Variants in ZNF667 observed in about 807,000 individuals in gnomAD.
ZNF667 encodes myocardial ischemic preconditioning upregulated 1 ortholog.
Under a neutral mutation model 31.8 loss-of-function variants are expected in ZNF667, and 13 were observed. That is an observed-to-expected ratio of 0.41 (90% confidence interval 0.27 to 0.65). The LOEUF (loss-of-function observed/expected upper bound fraction) is 0.65. Among genes scored for constraint, ZNF667 ranks in the 30% least tolerant of loss-of-function variants. The pLI, the probability that ZNF667 is intolerant of heterozygous loss-of-function variation, is 0.32. For missense variants in ZNF667, 642 were observed against 725.6 expected (o/e 0.88, Z 1.32); for synonymous variants, 228 against 247.1 (o/e 0.92, Z 0.73).
At chr19:56,471,179 G>GCTCCCACCATGTAAGACACCTC (rs1378936244) in intron 3 of ZNF667, among the ~76,000 whole-genome samples, 64 of 151,752 alleles carry the variant, frequency 4.2e-4, no homozygotes, top group African/African-American at 1.5e-3. Flanking sequence ...TCTTTCTCCT[G>GCTCCCACCATGTAAGACACCTC]CTCCCACCAT....
At position 56,442,062 on chromosome 19, in the gene ZNF667, A is replaced by G. The variant is rs781367083; in HGVS notation, c.933T>C (p.Asn311=). The part of the protein sequence containing the change: ...RIHAGEKIPE[N]AKALSQSLQQ... ...GTAGACTCTGACTTAAGGCCTTCGC[A>G]TTTTCAGGGATTTTCTCTCCAGCAT... is the stretch of plus-strand genomic sequence containing the variant. Residue 311 remains asparagine (N), a synonymous_variant, in exon 7 of 7, where the codon AAT becomes AAC. Coordinates refer to ENST00000504904, the MANE Select transcript of ZNF667 (RefSeq NM_001321356.2). 2 of 1,614,120 alleles carry G rather than the reference A, an allele frequency of 1.2e-6. No individual in the cohort carries two copies. Among genetic ancestry groups the G allele is most frequent in the Non-Finnish European group, 1.7e-6 (2 of 1,180,012 alleles).
chr19:56,442,756 G>A lies in ZNF667; in HGVS notation c.254-15C>T. The stretch of plus-strand genomic sequence containing the variant: ...AGACCCCGAGTCTGAAAGACATAAA[G>A]GAATTAAATGTTTCTCCTTTTCCAT... On this transcript the variant is annotated splice_polypyrimidine_tract_variant and intron_variant, in intron 6 of 6. Transcript: ENST00000504904. The A allele has an allele frequency of 2.6e-6, 4 of 1,509,684 alleles. No individual in the cohort carries two copies. Among genetic ancestry groups the A allele is most frequent in the African/African-American group, 1.4e-5 (1 of 71,772 alleles). 93.5% of individuals were successfully genotyped at this position (1,509,684 alleles called of 1,614,324 possible). A position where few individuals can be genotyped will look rare whatever the true frequency, so the allele number is the denominator to read the frequency against.
At chr19:56,464,560 T>C (rs762178587) in intron 3 of ZNF667, among the ~76,000 whole-genome samples, 1 of 152,246 alleles carries the variant, frequency 6.6e-6, no homozygotes, top group Non-Finnish European at 1.5e-5. Context: ...CCCTTTTCAA[T>C]GTAGCCTCTG....
chr19:56,463,957 A>G (rs1011214968), intron 3 of ZNF667, among the ~76,000 whole-genome samples: 1 of 152,210 alleles, frequency 6.6e-6, no homozygotes, highest in African/African-American at 2.4e-5. Context: ...GGTTACCGTA[A>G]AACTTTAAAG....
intron 3 of ZNF667, among the ~76,000 whole-genome samples, chr19:56,463,414 G>C (rs990596431): frequency 2.0e-5 from 3 of 152,134 alleles, no homozygotes; most frequent in African/African-American, 7.2e-5. Context: ...CCATCTCAAA[G>C]AATCTCTGCC....
chr19:56,452,753 C>G (rs11883053), intron 6 of ZNF667, among the ~76,000 whole-genome samples: 6,716 of 152,096 alleles, frequency 0.044, 324 homozygotes, highest in African/African-American at 0.13. Flanking sequence ...AACCCCATCT[C>G]TACTAAAAAT....
chr19:56,477,423 CA>C (rs1378760994), upstream of ZNF667: 1 of 152,162 alleles, frequency 6.6e-6, no homozygotes, highest in Non-Finnish European at 1.5e-5. Context: ...GCCCCGCCCC[CA>C]AACAAGGCCA....
chr19:56,465,295 A>G (rs2043135391), intron 3 of ZNF667, among the ~76,000 whole-genome samples: 1 of 152,222 alleles, frequency 6.6e-6, no homozygotes, highest in African/African-American at 2.4e-5. Flanking sequence ...GTGGAGGTAG[A>G]AGAAGATAAA....
chr19:56,467,154 C>T (rs1256941596), intron 3 of ZNF667: 3 of 416,794 alleles, frequency 7.2e-6, no homozygotes, highest in East Asian at 7.3e-5. Context: ...CCGGCCACAT[C>T]ATGCTAAGGG....
chr19:56,463,528 T>TC (rs1233725108), intron 3 of ZNF667, among the ~76,000 whole-genome samples: 1 of 152,036 alleles, frequency 6.6e-6, no homozygotes, highest in Non-Finnish European at 1.5e-5. Flanking sequence ...CTCATTTTCT[T>TC]CCCTTTTTTT....
chr19:56,451,065 A>G (rs1205310999), intron 6 of ZNF667, among the ~76,000 whole-genome samples: 1 of 152,198 alleles, frequency 6.6e-6, no homozygotes, highest in African/African-American at 2.4e-5. Flanking sequence ...AAAAGACTCA[A>G]TGATCTGTTC....
chr19:56,451,185 T>G (rs1441309726), intron 6 of ZNF667, among the ~76,000 whole-genome samples: 1 of 151,386 alleles, frequency 6.6e-6, no homozygotes, highest in Non-Finnish European at 1.5e-5. Flanking sequence ...GCAGCTATAT[T>G]TAGATAAAAT....
chr19:56,442,154 G>A lies in ZNF667; in HGVS notation c.841C>T (p.His281Tyr), dbSNP rs925515146. The A allele has an allele frequency of 1.9e-6, 3 of 1,613,422 alleles. No homozygotes were observed. The highest frequency in any genetic ancestry group is 1.7e-6 in the Non-Finnish European group (2 of 1,179,772). ...CCTCTCCCACATTTATTATATTTAT[G>A]TGTTTTCTTTCCATTGTGAATTTTC... The part of the protein sequence containing the change: ...HKKIHNGKKT[H>Y]KYNKCGRGFK... The change falls in exon 7 of 7, where the codon CAT becomes TAT. Residue 281 changes from histidine (H) to tyrosine (Y), a missense_variant. His to Tyr is a moderately conservative substitution (Grantham distance 83). Coordinates refer to ENST00000504904, the MANE Select transcript of ZNF667 (RefSeq NM_001321356.2).
chr19:56,453,688 C>T (rs952341110), intron 6 of ZNF667, among the ~76,000 whole-genome samples: 1 of 151,872 alleles, frequency 6.6e-6, no homozygotes, highest in East Asian at 1.9e-4. Context: ...TTCCTCAACA[C>T]AATAAAAGCC....
chr19:56,452,269 C>T (rs1266349913), intron 6 of ZNF667, among the ~76,000 whole-genome samples: 4 of 151,986 alleles, frequency 2.6e-5, no homozygotes, highest in East Asian at 1.9e-4. Context: ...AGGCTGGTTT[C>T]GAACTCCTGA....
At chr19:56,454,998 C>T (rs572060717) in intron 6 of ZNF667, among the ~76,000 whole-genome samples, 1 of 152,020 alleles carries the variant, frequency 6.6e-6, no homozygotes, top group Non-Finnish European at 1.5e-5. Flanking sequence ...TGTAATAATC[C>T]AATTAAAAAA....
At position 56,472,199 on chromosome 19, in the gene ZNF667, A is replaced by G. The variant is rs896503417; in HGVS notation, c.-548-12T>C. 6.6e-6 allele frequency: 1 copy of G among 152,256 alleles called. No individual in the cohort carries two copies. The highest frequency in any genetic ancestry group is 1.5e-5 in the Non-Finnish European group (1 of 68,056). 9.4% of individuals were successfully genotyped at this position (152,256 alleles called of 1,614,324 possible). A position where few individuals can be genotyped will look rare whatever the true frequency, so the allele number is the denominator to read the frequency against. On this transcript the variant is annotated splice_polypyrimidine_tract_variant and intron_variant, in intron 2 of 6. Transcript: ENST00000504904. ...GGAACTCGGCACTACTGGGGAAGAA[A>G]GAACAGCAGTTTGATATTAGGTAAT...
intron 6 of ZNF667, among the ~76,000 whole-genome samples, chr19:56,454,994 A>G (rs1037336069): frequency 5.3e-5 from 8 of 152,192 alleles, no homozygotes; most frequent in Non-Finnish European, 8.8e-5. Flanking sequence ...AAAATGTAAT[A>G]ATCCAATTAA....
intron 5 of ZNF667, among the ~76,000 whole-genome samples, chr19:56,458,607 G>T (rs1568446944): frequency 6.6e-6 from 1 of 152,112 alleles, no homozygotes; most frequent in Non-Finnish European, 1.5e-5. Flanking sequence ...CTCTGGGGAG[G>T]GGTCAGAGGC....
Sources: allele counts gnomAD v4.1 joint callset (sites outside exome capture counted in the v4.1 genomes callset), GRCh38; gene constraint gnomAD v4.1.1; transcripts MANE v1.5; gene names NCBI Gene and HGNC (gene_info 2026-07-23, HGNC 2026-07-21).